The following CEP70 variants were observed in gnomAD, a reference collection of about 807,000 sequenced individuals.
CEP70 encodes the protein centrosomal protein 70.
CEP70 carries 70 observed loss-of-function variants against 90.9 expected under a neutral mutation model. That is an observed-to-expected ratio of 0.77 (90% CI 0.64 to 0.94). The LOEUF is 0.94. CEP70 is among the 40% of genes least tolerant of loss of function. CEP70 has a pLI of 0.00. For synonymous variants in CEP70, 220 were observed against 228.3 expected (o/e 0.96, Z 0.33); for missense variants, 648 against 669.0 (o/e 0.97, Z 0.35).
chr3:138,544,659 G>A (rs1047536032), intron 6 of CEP70, among the ~76,000 whole-genome samples: 3 of 152,014 alleles, frequency 2.0e-5, no homozygotes, highest in Non-Finnish European at 2.9e-5. Flanking sequence ...TTCAACCTAG[G>A]TGTCCATCAA....
chr3:138,568,939 A>G (rs1459688536), intron 6 of CEP70, among the ~76,000 whole-genome samples: 4 of 151,714 alleles, frequency 2.6e-5, no homozygotes, highest in Non-Finnish European at 5.9e-5. Flanking sequence ...AGATCACACC[A>G]CTGCACACCA....
chr3:138,558,510 T>C lies in CEP70; in HGVS notation c.465+11808A>G, dbSNP rs560980950. 1.4e-3 allele frequency among the ~76,000 whole-genome samples: 206 copies of C among 152,132 alleles called. 1 individual carries two copies. Among genetic ancestry groups the C allele is most frequent in the African/African-American group, 4.8e-3 (199 of 41,504 alleles). Reference sequence around the variant, plus strand: ...TTTTTTCTTATGCCTGCCAGGGATATGAAACAAAAATTAGACACAAAGGCC... The same window carrying C: ...TTTTTTCTTATGCCTGCCAGGGATACGAAACAAAAATTAGACACAAAGGCC... On this transcript the variant is annotated intron_variant, in intron 6 of 17. Coordinates refer to ENST00000264982, the MANE Select transcript of CEP70 (RefSeq NM_024491.4).
At chr3:138,563,346 A>T (rs2040549596) in intron 6 of CEP70, among the ~76,000 whole-genome samples, 1 of 152,178 alleles carries the variant, frequency 6.6e-6, no homozygotes, top group Non-Finnish European at 1.5e-5. Flanking sequence ...TGGACCATGC[A>T]GACCTAATAG....
intron 2 of CEP70, among the ~76,000 whole-genome samples, chr3:138,575,729 C>G (rs998704311): frequency 3.9e-5 from 6 of 152,276 alleles, no homozygotes; most frequent in Admixed American, 3.3e-4. Flanking sequence ...CAAAGGGAAG[C>G]CCATCAGACT....
chr3:138,552,742 C>G lies in CEP70; in HGVS notation c.466-15395G>C, dbSNP rs186646661. 5.9e-5 allele frequency among the ~76,000 whole-genome samples: 9 copies of G among 152,192 alleles called. No homozygotes were observed. The East Asian group carries it at 1.7e-3, about 29-fold the overall frequency. On this transcript the variant is annotated intron_variant, in intron 6 of 17. Transcript: ENST00000264982. ...AAAAGTCTGAAAGAACACAACTAGA[C>G]AATCTAAGGTCACACCTCAAGGAAC...
chr3:138,585,396 C>G (rs778696239), intron 2 of CEP70, among the ~76,000 whole-genome samples: 1 of 151,678 alleles, frequency 6.6e-6, no homozygotes, highest in Non-Finnish European at 1.5e-5. Flanking sequence ...ATTGAAGAGG[C>G]CACAAAAAAA....
intron 13 of CEP70, among the ~76,000 whole-genome samples, 166 bp from the exon 14 acceptor site, chr3:138,501,047 T>C (rs2034469202): frequency 6.6e-6 from 1 of 151,834 alleles, no homozygotes; most frequent in Admixed American, 6.6e-5. Context: ...CCATCATTTT[T>C]TTTAAATAAA....
At chr3:138,525,373 C>A (rs2037117304) in intron 11 of CEP70, 117 bp downstream of exon 11, 2 of 296,060 alleles carry the variant, frequency 6.8e-6, no homozygotes, top group East Asian at 7.0e-5. Context: ...ATGTAACTAA[C>A]CTGCACGTTG....
chr3:138,499,861 C>A, intron 16 of CEP70: 1 of 373,580 alleles, frequency 2.7e-6, no homozygotes, highest in Non-Finnish European at 5.0e-6. Context: ...ACAAAAGATG[C>A]TATTCCAAAC....
intron 8 of CEP70, among the ~76,000 whole-genome samples, chr3:138,530,066 C>G (rs539734502): frequency 3.8e-4 from 58 of 152,248 alleles, no homozygotes; most frequent in African/African-American, 1.4e-3. Flanking sequence ...ATGAAAGATA[C>G]TGAAGGACTC....
At chr3:138,544,435 C>T (rs955234440) in intron 6 of CEP70, among the ~76,000 whole-genome samples, 1 of 150,778 alleles carries the variant, frequency 6.6e-6, no homozygotes, top group African/African-American at 2.4e-5. Flanking sequence ...AAAACTAGTA[C>T]AACTACTATG....
At chr3:138,529,491 T>C (rs369442490) in intron 8 of CEP70, 29 bp from the exon 9 acceptor site, 23 of 1,358,424 alleles carry the variant, frequency 1.7e-5, no homozygotes, top group Middle Eastern at 2.0e-4. Context: ...AGTATACTTA[T>C]GAAAAATCTA....
chr3:138,501,397 C>T (rs1318429963), intron 13 of CEP70, among the ~76,000 whole-genome samples: 1 of 152,140 alleles, frequency 6.6e-6, no homozygotes, highest in Non-Finnish European at 1.5e-5. Context: ...ATATTCATTA[C>T]TCCAAAAAGA....
At chr3:138,504,648 A>G (rs2034814742) in intron 13 of CEP70, among the ~76,000 whole-genome samples, 1 of 152,200 alleles carries the variant, frequency 6.6e-6, no homozygotes, top group Non-Finnish European at 1.5e-5. Flanking sequence ...ACTGATTTCA[A>G]CTATTTACCT....
chr3:138,508,736 A>ATT (rs751232055), intron 11 of CEP70, among the ~76,000 whole-genome samples, 192 bp from the exon 12 acceptor site: 1 of 144,358 alleles, frequency 6.9e-6, no homozygotes, highest in Admixed American at 7.0e-5. Flanking sequence ...GTTAAAAAAA[A>ATT]TTTTTTTTTT....
chr3:138,512,658 A>G (rs1258929278), intron 11 of CEP70, among the ~76,000 whole-genome samples: 1 of 152,162 alleles, frequency 6.6e-6, no homozygotes, highest in Non-Finnish European at 1.5e-5. Context: ...GGACACTGAG[A>G]AAACAGAAAA....
At chr3:138,500,925 T>C in intron 13 of CEP70, 44 bp from the exon 14 acceptor site, 2 of 968,294 alleles carry the variant, frequency 2.1e-6, no homozygotes, top group Non-Finnish European at 2.9e-6. Flanking sequence ...ATTTAAATAA[T>C]TTCTATAGTA....
At chr3:138,548,069 AAGAAG>A (rs2039349722) in intron 6 of CEP70, among the ~76,000 whole-genome samples, 1 of 152,188 alleles carries the variant, frequency 6.6e-6, no homozygotes, top group African/African-American at 2.4e-5. Flanking sequence ...ATACTACAAA[AAGAAG>A]AGAACTACAG....
chr3:138,511,932 C>T (rs1316995672), intron 11 of CEP70, among the ~76,000 whole-genome samples: 1 of 152,166 alleles, frequency 6.6e-6, no homozygotes, highest in Non-Finnish European at 1.5e-5. Context: ...AAGTAATTAA[C>T]AGGGCTCAGG....
Sources: allele counts gnomAD v4.1 joint callset (sites outside exome capture counted in the v4.1 genomes callset), GRCh38; gene constraint gnomAD v4.1.1; transcripts MANE v1.5; gene names NCBI Gene and HGNC (gene_info 2026-07-23, HGNC 2026-07-21).